Variants in CYBB observed in about 807,000 individuals in gnomAD.
CYBB encodes NADPH oxidase 2.
Under a neutral mutation model 46.5 loss-of-function variants are expected in CYBB, and 5 were observed. The ratio of observed to expected loss-of-function variants is 0.11; its 90% CI spans 0.06 to 0.23. CYBB has a LOEUF of 0.23. CYBB is among the 10% of genes least tolerant of loss of function. The pLI is 1.00. For synonymous variants in CYBB, 183 were observed against 156.7 expected, an observed-to-expected ratio of 1.17 and a Z score of -1.26; for missense variants, 307 against 428.3, an observed-to-expected ratio of 0.72 and a Z score of 2.50.
Position 37,810,832 on chromosome X carries a change from C to T in CYBB, c.1628C>T (p.Ala543Val). The change falls in exon 13 of 13, where the codon GCT (alanine) becomes GTT (valine). Residue 543 changes from alanine to valine, a missense_variant. Physicochemically the swap from Ala to Val is moderately conservative, Grantham distance 64 (BLOSUM62 0). Transcript: ENST00000378588. ...TTCCTCTGTGGACCTGAAGCCTTGGCTGAAACCCTGAGTAAACAAAGCATC... is the reference window on the plus strand; with the variant it reads ...TTCCTCTGTGGACCTGAAGCCTTGGTTGAAACCCTGAGTAAACAAAGCATC... ...GVFLCGPEAL[A>V]ETLSKQSISN... is the part of the protein sequence containing the mutation. The T allele has an allele frequency of 1.7e-6, 2 of 1,207,101 alleles. No homozygotes were observed. The highest frequency in any genetic ancestry group is 2.2e-6 in the Non-Finnish European group (2 of 891,666).
At chrX:37,802,818 A>ATT (rs1456510449) in intron 8 of CYBB, among the ~76,000 whole-genome samples, 2 of 111,906 alleles carry the variant, frequency 1.8e-5, no homozygotes, top group Non-Finnish European at 3.8e-5. Flanking sequence ...TTTTATTTCT[A>ATT]TTGATTTTTC....
intron 4 of CYBB, among the ~76,000 whole-genome samples, chrX:37,792,411 G>T (rs1400956010): frequency 9.0e-6 from 1 of 110,847 alleles, no homozygotes; most frequent in African/African-American, 3.3e-5. Flanking sequence ...TTGGTTGCAT[G>T]TGTGAATTTG....
intron 10 of CYBB, among the ~76,000 whole-genome samples, chrX:37,805,968 A>G (rs1361295529): frequency 4.5e-5 from 5 of 112,246 alleles, no homozygotes; most frequent in Non-Finnish European, 7.5e-5. Context: ...AGATGTGCAT[A>G]GAACCTTATT....
chrX:37,784,150 T>C, intron 3 of CYBB, among the ~76,000 whole-genome samples: 2 of 111,736 alleles, frequency 1.8e-5, no homozygotes, highest in Admixed American at 1.9e-4. Context: ...AGCCACTAAA[T>C]GTACTGTGCT....
At chrX:37,799,339 T>A (rs782115027) in intron 7 of CYBB, among the ~76,000 whole-genome samples, 40 of 111,940 alleles carry the variant, frequency 3.6e-4, no homozygotes, top group Non-Finnish European at 7.0e-4. Flanking sequence ...AAGTGCTGTT[T>A]TGGTTCAAGA....
At chrX:37,803,211 A>G (rs141039310) in intron 8 of CYBB, among the ~76,000 whole-genome samples, 1 of 111,003 alleles carries the variant, frequency 9.0e-6, no homozygotes, top group Non-Finnish European at 1.9e-5. Flanking sequence ...TAACTAGTCA[A>G]TGGGATCTCC....
chrX:37,789,612 G>A (rs1319856489), intron 3 of CYBB, among the ~76,000 whole-genome samples: 5 of 105,339 alleles, frequency 4.7e-5, no homozygotes, highest in African/African-American at 1.8e-4. Flanking sequence ...AAATTTTAAG[G>A]AATACAAAGT....
chrX:37,808,167 GA>G (rs2146820140), intron 11 of CYBB, among the ~76,000 whole-genome samples: 1 of 111,823 alleles, frequency 8.9e-6, no homozygotes, highest in East Asian at 2.8e-4. Flanking sequence ...GTAAAGAACA[GA>G]AATTTATTTT....
Position 37,804,202 on chromosome X carries a change from C to T in CYBB, c.1151+72C>T, listed in dbSNP as rs185613180. Reference sequence around the variant, plus strand: ...TGGCACTAAATAGCTCCTCTTCCTCCATGTTTTACTAAGTCTCCAACAAAA... The same window carrying T: ...TGGCACTAAATAGCTCCTCTTCCTCTATGTTTTACTAAGTCTCCAACAAAA... On this transcript the variant is annotated intron_variant, in intron 9 of 12. Transcript: ENST00000378588. 148 of 1,055,104 alleles carry T rather than the reference C, an allele frequency of 1.4e-4. No individual in the cohort carries two copies. In the East Asian group the frequency reaches 3.8e-3, roughly 27 times the overall value. The allele number at this position is 1,055,104 out of a possible 1,213,427, so 87.0% of individuals were successfully genotyped here. A position where few individuals can be genotyped will look rare whatever the true frequency, so the allele number is the denominator to read the frequency against.
chrX:37,793,600 C>G lies in CYBB; in HGVS notation c.338-65C>G, dbSNP rs1929240994. On this transcript the variant is annotated intron_variant, in intron 4 of 12. Transcript: ENST00000378588. ...ATAGAGTCAGAGGCTGTCCCAGAAA[C>G]CCAGCTTACAATAAATTTGTTCATA... The G allele has an allele frequency of 2.1e-5, 24 of 1,146,652 alleles. 1 individual carries two copies. In the South Asian group the frequency reaches 4.2e-4, roughly 20 times the overall value. The allele number at this position is 1,146,652 out of a possible 1,213,427, so 94.5% of individuals were successfully genotyped here. A position where few individuals can be genotyped will look rare whatever the true frequency, so the allele number is the denominator to read the frequency against.
At chrX:37,801,895 A>C (rs1929453741) in intron 8 of CYBB, among the ~76,000 whole-genome samples, 1 of 110,636 alleles carries the variant, frequency 9.0e-6, no homozygotes, top group South Asian at 3.8e-4. Context: ...ACAAGTTAGT[A>C]AATAAGCTGC....
intron 1 of CYBB, 23 bp downstream of exon 1, chrX:37,780,145 T>C: frequency 8.6e-7 from 1 of 1,167,670 alleles, no homozygotes; most frequent in African/African-American, 1.8e-5. Context: ...AAGAGATAAG[T>C]TATAAATTCT....
intron 4 of CYBB, among the ~76,000 whole-genome samples, chrX:37,792,570 T>C (rs1929219921): frequency 9.0e-6 from 1 of 110,822 alleles, no homozygotes; most frequent in Non-Finnish European, 1.9e-5. Context: ...TATGTGTGTA[T>C]ATAGATATTA....
Position 37,795,953 on chromosome X carries a change from C to T in CYBB, c.486C>T (p.Asn162=). 8.7e-7 allele frequency: 1 copy of T among 1,143,853 alleles called. No homozygotes were observed. 94.3% of individuals were successfully genotyped at this position (1,143,853 alleles called of 1,213,427 possible). A position where few individuals can be genotyped will look rare whatever the true frequency, so the allele number is the denominator to read the frequency against. Residue 162 remains asparagine, a splice_region_variant and synonymous_variant, in exon 6 of 13, where the codon AAC becomes AAT. Transcript: ENST00000378588. ...GTGTGTGTGTTTATATTTTACAGAA[C>T]CCTGAAGGAGGCCTGTACCTGGCTG... ...YLNFARKRIK[N]PEGGLYLAVT...
At chrX:37,784,291 T>C in intron 3 of CYBB, among the ~76,000 whole-genome samples, 1 of 112,142 alleles carries the variant, frequency 8.9e-6, no homozygotes, top group South Asian at 3.7e-4. Context: ...AAATAAATAT[T>C]ATACAAAGCA....
At chrX:37,794,013 G>A (rs1192111358) in intron 5 of CYBB, among the ~76,000 whole-genome samples, 4 of 111,219 alleles carry the variant, frequency 3.6e-5, no homozygotes, top group African/African-American at 1.3e-4. Context: ...GTCTCTAGAT[G>A]TTTTCCAGGT....
At chrX:37,784,431 AAAT>A (rs1299263068) in intron 3 of CYBB, among the ~76,000 whole-genome samples, 1 of 111,735 alleles carries the variant, frequency 8.9e-6, no homozygotes, top group Non-Finnish European at 1.9e-5. Flanking sequence ...GAGTATATAA[AAAT>A]AAGCTTCTAA....
At chrX:37,793,896 C>CAA in intron 5 of CYBB, 86 bp downstream of exon 5, 1 of 910,102 alleles carries the variant, frequency 1.1e-6, no homozygotes, top group Non-Finnish European at 1.5e-6. Context: ...CTCTCCTTTG[C>CAA]CAAAAAAAAA....
In CYBB at chrX:37,801,239, T is replaced by A. The variant is rs182092761; in HGVS notation, c.805-17T>A. The A allele has an allele frequency of 3.1e-4, 356 of 1,139,539 alleles. 1 individual carries two copies. The East Asian group carries it at 8.9e-3, about 29-fold the overall frequency. 93.9% of individuals were successfully genotyped at this position (1,139,539 alleles called of 1,213,427 possible). A position where few individuals can be genotyped will look rare whatever the true frequency, so the allele number is the denominator to read the frequency against. On this transcript the variant is annotated splice_polypyrimidine_tract_variant and intron_variant, in intron 7 of 12. Transcript: ENST00000378588. ...ACCACTTAATGTATCTCATTTTCAT[T>A]TTTGCTCTGATTACAGACTTGGAAA...
Sources: allele counts gnomAD v4.1 joint callset (sites outside exome capture counted in the v4.1 genomes callset), GRCh38; gene constraint gnomAD v4.1.1; transcripts MANE v1.5; gene names NCBI Gene and HGNC (gene_info 2026-07-23, HGNC 2026-07-21).